MGMT: variants seen among roughly 807,000 people sequenced by gnomAD.
MGMT encodes methylated-DNA--protein-cysteine methyltransferase.
A neutral mutation model predicts 15.9 loss-of-function variants in MGMT; 14 were observed. That is an observed-to-expected ratio of 0.88 (90% CI 0.58 to 1.37). MGMT has a LOEUF of 1.37. MGMT is among the 40% of genes most tolerant of loss of function. MGMT has a pLI of 0.00. For synonymous variants in MGMT, 130 were observed against 118.2 expected (o/e 1.10, Z -0.65); for missense variants, 282 against 268.1 (o/e 1.05, Z -0.36).
At chr10:129,654,799 A>T (rs2133100642) in intron 2 of MGMT, among the ~76,000 whole-genome samples, 1 of 152,188 alleles carries the variant, frequency 6.6e-6, no homozygotes, top group Non-Finnish European at 1.5e-5. Flanking sequence ...CCTTGTCATG[A>T]CACGTGATAC....
chr10:129,618,912 G>A (rs1370042488), intron 2 of MGMT, among the ~76,000 whole-genome samples: 4 of 151,936 alleles, frequency 2.6e-5, no homozygotes, highest in East Asian at 1.9e-4. Context: ...TTCCATGTAC[G>A]TGAATATCTT....
chr10:129,510,260 GGT>G (rs1845667220), intron 1 of MGMT, among the ~76,000 whole-genome samples: 1 of 152,164 alleles, frequency 6.6e-6, no homozygotes, highest in Non-Finnish European at 1.5e-5. Flanking sequence ...AGAAATATGT[GGT>G]TTTGTAGGAA....
intron 2 of MGMT, among the ~76,000 whole-genome samples, chr10:129,640,180 C>T (rs1294975521): frequency 6.6e-6 from 1 of 151,582 alleles, no homozygotes; most frequent in East Asian, 1.9e-4. Context: ...TCACTGCATC[C>T]TTCTCCTCCC....
At chr10:129,686,841 G>A (rs34502595) in intron 2 of MGMT, among the ~76,000 whole-genome samples, 23,955 of 152,204 alleles carry the variant, frequency 0.16, 2,065 homozygotes, top group East Asian at 0.19. Flanking sequence ...AGAACAGAAC[G>A]TGCTTGCCCT....
chr10:129,483,470 A>G (rs1845379394), intron 1 of MGMT, among the ~76,000 whole-genome samples: 1 of 151,800 alleles, frequency 6.6e-6, no homozygotes, highest in Admixed American at 6.6e-5. Context: ...ATTGTCATGC[A>G]TTTGTTTTTG....
chr10:129,496,309 A>G (rs1189746728), intron 1 of MGMT, among the ~76,000 whole-genome samples: 2 of 152,080 alleles, frequency 1.3e-5, no homozygotes, highest in Non-Finnish European at 2.9e-5. Flanking sequence ...TGGGTGTTGT[A>G]TGCTATTTGC....
intron 3 of MGMT, among the ~76,000 whole-genome samples, chr10:129,739,515 C>T (rs1386737439): frequency 6.6e-6 from 1 of 152,160 alleles, no homozygotes; most frequent in Non-Finnish European, 1.5e-5. Context: ...CCATCAGTGT[C>T]TGCTTTGTGC....
intron 1 of MGMT, among the ~76,000 whole-genome samples, chr10:129,471,309 A>C (rs1396307971): frequency 6.6e-6 from 1 of 152,180 alleles, no homozygotes; most frequent in Non-Finnish European, 1.5e-5. Flanking sequence ...ATGTTCAGAG[A>C]TATTTAGGTG....
chr10:129,646,719 AATATATATATATATATATATAT>A (rs10543851), intron 2 of MGMT, among the ~76,000 whole-genome samples: 2 of 81,718 alleles, frequency 2.4e-5, no homozygotes, highest in African/African-American at 4.7e-5. Flanking sequence ...GCCCATCAGA[AATATATATATATATATATATAT>A]ATATATATAT....
At chr10:129,680,183 G>A (rs1336176924) in intron 2 of MGMT, among the ~76,000 whole-genome samples, 1 of 152,198 alleles carries the variant, frequency 6.6e-6, no homozygotes, top group African/African-American at 2.4e-5. Flanking sequence ...TTAACCGACT[G>A]TATGACTTGT....
At chr10:129,737,178 T>C (rs941056994) in intron 3 of MGMT, among the ~76,000 whole-genome samples, 4 of 152,326 alleles carry the variant, frequency 2.6e-5, no homozygotes, top group East Asian at 3.9e-4. Flanking sequence ...CCATTCTCCC[T>C]GTCACTTTCA....
chr10:129,690,447 C>G (rs1243993528), intron 2 of MGMT, among the ~76,000 whole-genome samples: 1 of 152,204 alleles, frequency 6.6e-6, no homozygotes, highest in Non-Finnish European at 1.5e-5. Flanking sequence ...AAAGGCACTG[C>G]GGCGTCCATT....
At chr10:129,713,855 A>G (rs1332426161) in intron 3 of MGMT, among the ~76,000 whole-genome samples, 1 of 152,156 alleles carries the variant, frequency 6.6e-6, no homozygotes, top group East Asian at 1.9e-4. Flanking sequence ...AGCTGTCTGG[A>G]GGAGCATGCC....
intron 2 of MGMT, among the ~76,000 whole-genome samples, chr10:129,537,822 T>G (rs535065486): frequency 6.6e-6 from 1 of 152,334 alleles, no homozygotes; most frequent in East Asian, 1.9e-4. Context: ...AAAACACACC[T>G]GTGGACAAAC....
chr10:129,626,295 C>G (rs1266972494), intron 2 of MGMT, among the ~76,000 whole-genome samples: 1 of 152,196 alleles, frequency 6.6e-6, no homozygotes, highest in Non-Finnish European at 1.5e-5. Context: ...CTTCTCCATC[C>G]CACCCGCATT....
intron 2 of MGMT, among the ~76,000 whole-genome samples, chr10:129,704,334 CAG>C (rs2133138506): frequency 6.6e-6 from 1 of 152,248 alleles, no homozygotes; most frequent in South Asian, 2.1e-4. Context: ...TCTCTGCCTG[CAG>C]AGTGAGCCCG....
At chr10:129,598,631 T>C (rs1846781298) in intron 2 of MGMT, among the ~76,000 whole-genome samples, 1 of 152,212 alleles carries the variant, frequency 6.6e-6, no homozygotes, top group South Asian at 2.1e-4. Context: ...TAAACTCTAT[T>C]TGGTGTTTTT....
chr10:129,475,017 G>C (rs1403888017), intron 1 of MGMT, among the ~76,000 whole-genome samples: 1 of 152,138 alleles, frequency 6.6e-6, no homozygotes, highest in Non-Finnish European at 1.5e-5. Context: ...GGGGTGTTGG[G>C]GAGCTTGGTA....
chr10:129,629,601 G>C (rs1276607557), intron 2 of MGMT, among the ~76,000 whole-genome samples: 1 of 152,182 alleles, frequency 6.6e-6, no homozygotes, highest in Admixed American at 6.5e-5. Context: ...CGGCACCTTC[G>C]CGTTGATCAT....
Sources: allele counts gnomAD v4.1 joint callset (sites outside exome capture counted in the v4.1 genomes callset), GRCh38; gene constraint gnomAD v4.1.1; transcripts MANE v1.5; gene names NCBI Gene and HGNC (gene_info 2026-07-23, HGNC 2026-07-21).